DENND2B: variants seen among roughly 807,000 people sequenced by gnomAD.
DENND2B encodes DENN domain-containing protein 2B.
Under a neutral mutation model 116.0 loss-of-function variants are expected in DENND2B, and 32 were observed. The observed-to-expected ratio is 0.28, with a 90% CI of 0.21 to 0.37. The LOEUF is 0.37. Ranked by LOEUF, DENND2B falls within the 10% of genes least tolerant of loss-of-function variation. DENND2B has a pLI of 1.00. For synonymous variants in DENND2B, 588 were observed against 583.9 expected (o/e 1.01, Z -0.10); for missense variants, 1,276 against 1,477.7 (o/e 0.86, Z 2.24).
chr11:8,771,394 G>T (rs979621780), intron 1 of DENND2B, among the ~76,000 whole-genome samples: 1 of 151,532 alleles, frequency 6.6e-6, no homozygotes, highest in African/African-American at 2.4e-5. Context: ...GGCTGTGAGT[G>T]TGTGTGTGTG....
chr11:8,873,568 G>T (rs1028652928), upstream of DENND2B, among the ~76,000 whole-genome samples: 1 of 152,304 alleles, frequency 6.6e-6, no homozygotes, highest in East Asian at 1.9e-4. Context: ...CAGAAATGGT[G>T]TTAATGCTAT....
chr11:8,737,678 T>TC (rs1565791521), intron 2 of DENND2B, among the ~76,000 whole-genome samples: 2 of 151,528 alleles, frequency 1.3e-5, no homozygotes, highest in Non-Finnish European at 2.9e-5. Context: ...TTTCTTTCTC[T>TC]TTCTCTCTCT....
chr11:8,756,914 G>T (rs1436639668), intron 1 of DENND2B: 8 of 403,306 alleles, frequency 2.0e-5, no homozygotes, highest in Non-Finnish European at 3.9e-5. Flanking sequence ...GGCAGAAACT[G>T]CATGTTTAGA....
chr11:8,819,930 T>C (rs765183941), intron 4 of DENND2B, among the ~76,000 whole-genome samples: 1 of 152,240 alleles, frequency 6.6e-6, no homozygotes, highest in Non-Finnish European at 1.5e-5. Flanking sequence ...TACACAAGAT[T>C]AGGAGAATTT....
intron 10 of DENND2B, 92 bp downstream of exon 10, chr11:8,711,030 G>A: frequency 6.4e-7 from 1 of 1,552,588 alleles, no homozygotes. Flanking sequence ...TGTAGGAGAG[G>A]ATGAGACTAG....
chr11:8,713,570 T>C (rs1024551743), intron 8 of DENND2B, among the ~76,000 whole-genome samples: 12 of 152,120 alleles, frequency 7.9e-5, no homozygotes, highest in Admixed American at 2.0e-4. Context: ...TTAGTAGAGA[T>C]GGGGTTTCAC....
chr11:8,699,670 C>G (rs1012167950), intron 14 of DENND2B, among the ~76,000 whole-genome samples: 2 of 152,170 alleles, frequency 1.3e-5, no homozygotes, highest in Non-Finnish European at 2.9e-5. Context: ...AAAGGGCTGT[C>G]TCGGGTTTGG....
chr11:8,747,748 T>C (rs1339704119), intron 2 of DENND2B, among the ~76,000 whole-genome samples: 4 of 152,132 alleles, frequency 2.6e-5, no homozygotes, highest in Admixed American at 6.5e-5. Flanking sequence ...GAGACCAAGA[T>C]ACAGCAAAGA....
chr11:8,776,392 C>G, intron 1 of DENND2B: 1 of 386,480 alleles, frequency 2.6e-6, no homozygotes, highest in Non-Finnish European at 5.1e-6. Flanking sequence ...AAACAATGAC[C>G]AAGCACCTGC....
At chr11:8,753,080 T>C (rs540246742) in intron 1 of DENND2B, among the ~76,000 whole-genome samples, 146 of 152,092 alleles carry the variant, frequency 9.6e-4, no homozygotes, top group Non-Finnish European at 1.9e-3. Context: ...CTACTAAAGA[T>C]ACAAAAATTA....
At chr11:8,781,971 T>C (rs540332756) in intron 1 of DENND2B, among the ~76,000 whole-genome samples, 29 of 152,298 alleles carry the variant, frequency 1.9e-4, no homozygotes, top group Non-Finnish European at 3.5e-4. Context: ...CTTATATACA[T>C]TGGTGGTAAA....
At chr11:8,833,823 T>C (rs2062311869) in intron 4 of DENND2B, among the ~76,000 whole-genome samples, 1 of 152,148 alleles carries the variant, frequency 6.6e-6, no homozygotes, top group African/African-American at 2.4e-5. Flanking sequence ...CCCCTAGGAT[T>C]TCACCCATCC....
chr11:8,801,341 G>A (rs1283010029), intron 1 of DENND2B, among the ~76,000 whole-genome samples: 1 of 152,058 alleles, frequency 6.6e-6, no homozygotes, highest in Non-Finnish European at 1.5e-5. Context: ...ATAGGGCCTT[G>A]CATTTCTCAG....
intron 4 of DENND2B, among the ~76,000 whole-genome samples, chr11:8,719,570 C>T (rs2045771078): frequency 6.6e-6 from 1 of 152,192 alleles, no homozygotes; most frequent in African/African-American, 2.4e-5. Flanking sequence ...GCCCAGCAGC[C>T]CTGTCGCAAG....
rs146486674 is a variant in DENND2B at position 8,754,029 on chromosome 11, G to GCGCGCACACACACACA, written c.-25-3305_-25-3304insTGTGTGTGTGTGCGCG. Among the ~76,000 whole-genome samples the GCGCGCACACACACACA allele has an allele frequency of 7.7e-3, 1,072 of 138,798 alleles. 11 individuals carry two copies. Among genetic ancestry groups the GCGCGCACACACACACA allele is most frequent in the South Asian group, 0.024 (99 of 4,106 alleles). 91.1% of individuals were successfully genotyped at this position (138,798 alleles called of 152,430 possible). A position where few individuals can be genotyped will look rare whatever the true frequency, so the allele number is the denominator to read the frequency against. On this transcript the variant is annotated intron_variant, in intron 1 of 19. Transcript: ENST00000313726. ...TTCTTAGATATAACACCAAAAGCGC[G>GCGCGCACACACACACA]CACACACACACACACACACACACAC...
chr11:8,813,886 C>T (rs1253288243), upstream of DENND2B, among the ~76,000 whole-genome samples: 1 of 152,158 alleles, frequency 6.6e-6, no homozygotes, highest in Admixed American at 6.5e-5. Flanking sequence ...TGTGTACACA[C>T]TCCTTGAACT....
intron 3 of DENND2B, among the ~76,000 whole-genome samples, chr11:8,729,375 T>C (rs1026198830): frequency 3.9e-5 from 6 of 152,140 alleles, no homozygotes; most frequent in Non-Finnish European, 8.8e-5. Context: ...AACAGGCTCA[T>C]TCCTGTTTTA....
intron 1 of DENND2B, among the ~76,000 whole-genome samples, chr11:8,770,343 T>G (rs1450686865): frequency 6.6e-6 from 1 of 152,208 alleles, no homozygotes; most frequent in East Asian, 1.9e-4. Flanking sequence ...TGCCCTCGGT[T>G]CACTCAATTA....
chr11:8,725,783 G>T (rs1442737970), intron 4 of DENND2B, among the ~76,000 whole-genome samples: 1 of 152,222 alleles, frequency 6.6e-6, no homozygotes, highest in Non-Finnish European at 1.5e-5. Flanking sequence ...AAGAGGGCCT[G>T]TTGGACTTCA....
Sources: gnomAD v4.1 joint callset for allele counts (sites outside exome capture counted in the v4.1 genomes callset) on GRCh38, gnomAD v4.1.1 for gene constraint, MANE v1.5 for transcripts, NCBI Gene and HGNC (gene_info 2026-07-23, HGNC 2026-07-21) for gene names.